KCNJ6: variants seen among roughly 807,000 people sequenced by gnomAD.
The protein encoded by KCNJ6 is potassium inwardly rectifying channel subfamily J member 6.
In KCNJ6, 9 loss-of-function variants were observed where a neutral mutation model predicts 34.2. That is an observed-to-expected ratio of 0.26 (90% CI 0.16 to 0.46). KCNJ6 has a LOEUF of 0.46. KCNJ6 is among the 20% of genes least tolerant of loss of function. The pLI is 1.00. For missense variants in KCNJ6, 236 were observed against 531.3 expected (o/e 0.44, Z 5.46); for synonymous variants, 196 against 207.1 (o/e 0.95, Z 0.46).
chr21:37,845,417 T>C (rs1170613816), intron 1 of KCNJ6, among the ~76,000 whole-genome samples: 1 of 151,942 alleles, frequency 6.6e-6, no homozygotes, highest in Non-Finnish European at 1.5e-5. Context: ...AGAGAGCACA[T>C]GTATAAGAGT....
intron 2 of KCNJ6, among the ~76,000 whole-genome samples, chr21:37,800,605 C>A (rs943592199): frequency 5.3e-5 from 8 of 152,112 alleles, no homozygotes; most frequent in African/African-American, 1.9e-4. Context: ...ATCAGCAAGA[C>A]CATAAAGAAA....
chr21:37,863,853 TTTTTTTG>T (rs1440651985), intron 1 of KCNJ6, among the ~76,000 whole-genome samples: 14 of 77,334 alleles, frequency 1.8e-4, no homozygotes, highest in African/African-American at 3.8e-4. Flanking sequence ...AAGGTTTTTT[TTTTTTTG>T]TTTTTTTTTT....
chr21:37,851,807 C>T (rs965125084), intron 1 of KCNJ6, among the ~76,000 whole-genome samples: 2 of 151,628 alleles, frequency 1.3e-5, no homozygotes, highest in African/African-American at 2.4e-5. Flanking sequence ...ATATGACAAA[C>T]TTAAGTTGAC....
chr21:37,906,545 G>C (rs1300082105), intron 1 of KCNJ6, among the ~76,000 whole-genome samples: 2 of 152,208 alleles, frequency 1.3e-5, no homozygotes, highest in African/African-American at 2.4e-5. Flanking sequence ...CAGTAGATCG[G>C]GGGGTGAGCT....
At chr21:37,632,199 G>A (rs2154553) in intron 3 of KCNJ6, among the ~76,000 whole-genome samples, 105,956 of 149,722 alleles carry the variant, frequency 0.71, 37,803 homozygotes, top group East Asian at 0.83. Flanking sequence ...ATATAATCGT[G>A]AGCTTTGCAT....
rs2054453721 is a variant in KCNJ6 at position 37,655,211 on chromosome 21, GTGTGTGTGTGTGTGAGAGAGAGAGAGA to G, written c.947-29754_947-29728del. ...TGTGTGTGTGTGTGTGTGTGTGTGT[GTGTGTGTGTGTGTGAGAGAGAGAGAGA>G]GAGAGAGAGAGAGAGAGAGAGAGAG... is the stretch of plus-strand genomic sequence containing the variant. On this transcript the variant is annotated intron_variant, in intron 3 of 3. Coordinates refer to ENST00000609713, the MANE Select transcript of KCNJ6 (RefSeq NM_002240.5). 1.2e-4 allele frequency among the ~76,000 whole-genome samples: 7 copies of G among 58,896 alleles called. 1 individual carries two copies. Among genetic ancestry groups the G allele is most frequent in the Admixed American group, 1.2e-3 (5 of 4,278 alleles). 38.6% of individuals were successfully genotyped at this position (58,896 alleles called of 152,430 possible). A position where few individuals can be genotyped will look rare whatever the true frequency, so the allele number is the denominator to read the frequency against.
chr21:37,867,916 T>G (rs1213910613), intron 1 of KCNJ6, among the ~76,000 whole-genome samples: 1 of 152,186 alleles, frequency 6.6e-6, no homozygotes, highest in Admixed American at 6.5e-5. Context: ...GTGGTTGCAC[T>G]TTCATTAGGA....
intron 2 of KCNJ6, among the ~76,000 whole-genome samples, chr21:37,837,887 T>A (rs546241143): frequency 1.3e-4 from 20 of 152,332 alleles, no homozygotes; most frequent in African/African-American, 4.1e-4. Flanking sequence ...TAATTAGTCA[T>A]GAGTTTAATT....
chr21:37,670,077 C>T (rs2054534759), intron 3 of KCNJ6, among the ~76,000 whole-genome samples: 1 of 152,108 alleles, frequency 6.6e-6, no homozygotes. Context: ...AATTCTTTTG[C>T]ATGTATATAT....
chr21:37,758,593 G>C (rs777700879), intron 2 of KCNJ6, among the ~76,000 whole-genome samples: 1 of 152,184 alleles, frequency 6.6e-6, no homozygotes, highest in Non-Finnish European at 1.5e-5. Context: ...ACTGGCTCTA[G>C]TACAAATAAG....
At chr21:37,627,459 TGATGGCA>T (rs1274802836) in intron 3 of KCNJ6, among the ~76,000 whole-genome samples, 1 of 152,094 alleles carries the variant, frequency 6.6e-6, no homozygotes, top group African/African-American at 2.4e-5. Context: ...TGAAGACAGG[TGATGGCA>T]GTGATATGTG....
chr21:37,717,472 G>A (rs184246055), intron 2 of KCNJ6, among the ~76,000 whole-genome samples: 1 of 151,752 alleles, frequency 6.6e-6, no homozygotes, highest in Non-Finnish European at 1.5e-5. Context: ...CTCACTGGAG[G>A]TGGGTTGGGA....
At chr21:37,893,707 C>T (rs1376187830) in intron 1 of KCNJ6, among the ~76,000 whole-genome samples, 1 of 34,410 alleles carries the variant, frequency 2.9e-5, no homozygotes, top group Admixed American at 3.2e-4. Context: ...ACAAATACTA[C>T]CTTGGGTTCT....
chr21:37,872,490 A>G (rs1233048119), intron 1 of KCNJ6, among the ~76,000 whole-genome samples: 1 of 152,204 alleles, frequency 6.6e-6, no homozygotes, highest in African/African-American at 2.4e-5. Context: ...TGCAGCCTAC[A>G]GGAGGAATAG....
In KCNJ6 at chr21:37,915,921, T is replaced by A. The variant is rs2055891322; in HGVS notation, c.-65A>T. ...GGGGTGGCTTCACTCAATCATGATC[T>A]CCTCTCTTGAAACGGAGCAAGACTG... is the stretch of plus-strand genomic sequence containing the variant. On this transcript the variant is annotated 5_prime_UTR_variant, in exon 1 of 4. Coordinates refer to ENST00000609713, the MANE Select transcript of KCNJ6 (RefSeq NM_002240.5). The A allele has an allele frequency of 6.6e-6, 1 of 151,716 alleles. No homozygotes were observed. The highest frequency in any genetic ancestry group is 1.5e-5 in the Non-Finnish European group (1 of 67,952). 9.4% of individuals were successfully genotyped at this position (151,716 alleles called of 1,614,324 possible). A position where few individuals can be genotyped will look rare whatever the true frequency, so the allele number is the denominator to read the frequency against.
At chr21:37,644,766 A>G (rs1709814) in intron 3 of KCNJ6, among the ~76,000 whole-genome samples, 90,431 of 152,094 alleles carry the variant, frequency 0.59, 27,105 homozygotes, top group South Asian at 0.67. Context: ...GTGATAAAAT[A>G]TCGCCATTCT....
At chr21:37,688,722 C>A (rs185096245) in intron 3 of KCNJ6, among the ~76,000 whole-genome samples, 1 of 152,270 alleles carries the variant, frequency 6.6e-6, no homozygotes, top group East Asian at 1.9e-4. Context: ...GATAAGGCAC[C>A]AGAGATTATT....
At chr21:37,643,268 A>G (rs2054389228) in intron 3 of KCNJ6, among the ~76,000 whole-genome samples, 1 of 152,212 alleles carries the variant, frequency 6.6e-6, no homozygotes, top group African/African-American at 2.4e-5. Context: ...AAAAAACAGT[A>G]GAGGCAAACC....
chr21:37,722,091 C>T (rs543661088), intron 2 of KCNJ6, among the ~76,000 whole-genome samples: 50 of 150,360 alleles, frequency 3.3e-4, no homozygotes, highest in Middle Eastern at 3.4e-3. Context: ...TAAACAACTT[C>T]GGTAGAGTTT....
Sources: gnomAD v4.1 joint callset for allele counts (sites outside exome capture counted in the v4.1 genomes callset) on GRCh38, gnomAD v4.1.1 for gene constraint, MANE v1.5 for transcripts, NCBI Gene and HGNC (gene_info 2026-07-23, HGNC 2026-07-21) for gene names.